The following RBL1 variants were observed in gnomAD, a reference collection of about 807,000 sequenced individuals.
RBL1 encodes RB transcriptional corepressor like 1.
RBL1 carries 82 observed loss-of-function variants against 123.0 expected under a neutral mutation model. That is an observed-to-expected ratio of 0.67 (90% CI 0.56 to 0.80). The LOEUF is 0.80. Ranked by LOEUF, RBL1 falls within the 30% of genes least tolerant of loss-of-function variation. The probability of loss-of-function intolerance (pLI) is 0.00; values close to 1 mark genes in which losing one functional copy is unlikely to be tolerated. For synonymous variants in RBL1, 405 were observed against 441.3 expected (o/e 0.92, Z 1.03); for missense variants, 1,171 against 1,299.6 (o/e 0.90, Z 1.52).
chr20:37,092,075 T>C (rs1312793180), intron 1 of RBL1, among the ~76,000 whole-genome samples: 1 of 151,966 alleles, frequency 6.6e-6, no homozygotes, highest in East Asian at 1.9e-4. Context: ...AAACCCTATC[T>C]CTACAAAATA....
intron 2 of RBL1, among the ~76,000 whole-genome samples, chr20:37,078,078 G>A (rs778308058): frequency 5.3e-5 from 8 of 152,006 alleles, no homozygotes; most frequent in Non-Finnish European, 1.0e-4. Context: ...CCTAATTTGG[G>A]TTTGTCTCAT....
chr20:37,022,951 G>A, intron 16 of RBL1, 125 bp from the exon 17 acceptor site: 1 of 750,178 alleles, frequency 1.3e-6, no homozygotes, highest in Non-Finnish European at 2.1e-6. Flanking sequence ...TAAAATTTCT[G>A]TTCTATAGCA....
At position 36,998,496 on chromosome 20, in the gene RBL1, T is replaced by C; in HGVS notation, c.*263A>G. On this transcript the variant is annotated 3_prime_UTR_variant, in exon 22 of 22. Transcript: ENST00000373664. ...GCCTTGGCCTCCCAAAGTCCTGGGA[T>C]TACAGGCGTGAGCCACAGCGCCTGG... The C allele has an allele frequency of 3.3e-6, 1 of 301,860 alleles. No individual in the cohort carries two copies. Among genetic ancestry groups the C allele is most frequent in the Non-Finnish European group, 6.2e-6 (1 of 162,088 alleles). The allele number at this position is 301,860 out of a possible 1,614,324, so 18.7% of individuals were successfully genotyped here.
At position 37,016,013 on chromosome 20, in the gene RBL1, G is replaced by T. The variant is rs190449436; in HGVS notation, c.2722+2266C>A. 5.4e-3 allele frequency among the ~76,000 whole-genome samples: 770 copies of T among 141,696 alleles called. 8 individuals carry two copies. The highest frequency in any genetic ancestry group is 0.019 in the African/African-American group (731 of 37,974). 93.0% of individuals were successfully genotyped at this position (141,696 alleles called of 152,430 possible). A position where few individuals can be genotyped will look rare whatever the true frequency, so the allele number is the denominator to read the frequency against. On this transcript the variant is annotated intron_variant, in intron 19 of 21. Coordinates refer to ENST00000373664, the MANE Select transcript of RBL1 (RefSeq NM_002895.5). ...CTGGATTACAGGCGTGAGCCACCGT[G>T]CCCAGCGGTTTTTTTTTTTTTTTTT...
intron 2 of RBL1, among the ~76,000 whole-genome samples, chr20:37,069,035 T>TC (rs1178119311): frequency 6.6e-6 from 1 of 152,262 alleles, no homozygotes; most frequent in Middle Eastern, 3.2e-3. Context: ...AGACGGGGTT[T>TC]CGCTGTGTTG....
rs532620516 is a variant in RBL1, at chr20:37,069,436, C to T, written c.291-1250G>A. On this transcript the variant is annotated intron_variant, in intron 2 of 21. Transcript: ENST00000373664. ...GCCATCCCATCTAGGAAGTGAGGAG[C>T]GTCTCTGCCCAGCCGCCCATCGTCT... Among the ~76,000 whole-genome samples the T allele has an allele frequency of 2.6e-5, 4 of 151,810 alleles. No individual in the cohort carries two copies. The East Asian group carries it at 7.8e-4, about 30-fold the overall frequency.
chr20:37,016,376 T>TA (rs1317235993), intron 19 of RBL1, among the ~76,000 whole-genome samples: 11 of 151,988 alleles, frequency 7.2e-5, no homozygotes, highest in African/African-American at 2.2e-4. Context: ...GGCTCCAGAA[T>TA]AATACACTTA....
chr20:37,044,288 G>A (rs766371345), intron 12 of RBL1, 38 bp from the exon 13 acceptor site: 2 of 1,605,020 alleles, frequency 1.2e-6, no homozygotes, highest in South Asian at 2.2e-5. Context: ...GTGGTTTCAA[G>A]CAGTTAGTTC....
At chr20:37,095,748 G>A (rs1288558768) in intron 1 of RBL1, 25 bp downstream of exon 1, 3 of 1,558,450 alleles carry the variant, frequency 1.9e-6, no homozygotes, top group Non-Finnish European at 1.7e-6. Context: ...GGTAGGGTCC[G>A]GCCGCCCCAC....
chr20:37,035,861 G>A (rs768001943), intron 14 of RBL1, among the ~76,000 whole-genome samples: 2 of 152,178 alleles, frequency 1.3e-5, no homozygotes, highest in Admixed American at 1.3e-4. Context: ...GAGAGCACCT[G>A]AGAAGAAGGG....
At chr20:37,081,999 C>G in intron 2 of RBL1, 1 of 456,212 alleles carries the variant, frequency 2.2e-6, no homozygotes, top group South Asian at 1.5e-5. Context: ...AAAATGTCAA[C>G]TGGCCAGGAG....
chr20:37,092,453 C>T (rs2065664616), intron 1 of RBL1, among the ~76,000 whole-genome samples: 1 of 152,148 alleles, frequency 6.6e-6, no homozygotes. Flanking sequence ...ACTGCAGCCT[C>T]GACCTCCCAG....
At chr20:37,075,511 A>G (rs2065349612) in intron 2 of RBL1, among the ~76,000 whole-genome samples, 1 of 151,984 alleles carries the variant, frequency 6.6e-6, no homozygotes, top group Admixed American at 6.6e-5. Context: ...GCTAGAGTGC[A>G]GTGGCGCGAT....
chr20:37,091,812 G>A lies in RBL1; in HGVS notation c.157-2690C>T, dbSNP rs565317519. On this transcript the variant is annotated intron_variant, in intron 1 of 21. Transcript: ENST00000373664. ...AAAGATTTCTTGCAATAATCTAAAA[G>A]GGGTGGGTAGAAATGGGTGGCCATC... Among the ~76,000 whole-genome samples the A allele has an allele frequency of 3.1e-4, 47 of 152,282 alleles. No homozygotes were observed. The Middle Eastern group carries it at 0.01, about 33-fold the overall frequency.
chr20:37,091,240 C>A (rs1324799136), intron 1 of RBL1, among the ~76,000 whole-genome samples: 1 of 152,048 alleles, frequency 6.6e-6, no homozygotes, highest in Non-Finnish European at 1.5e-5. Context: ...CGCCTGTAAT[C>A]CCAGCTACTT....
At chr20:37,091,070 C>G (rs894513861) in intron 1 of RBL1, among the ~76,000 whole-genome samples, 3 of 152,098 alleles carry the variant, frequency 2.0e-5, no homozygotes, top group African/African-American at 7.2e-5. Context: ...TTAAGAATTA[C>G]GGATAGGCCG....
At chr20:37,020,254 A>G (rs998591036) in intron 18 of RBL1, among the ~76,000 whole-genome samples, 13 of 151,872 alleles carry the variant, frequency 8.6e-5, no homozygotes, top group Admixed American at 7.9e-4. Flanking sequence ...ACGCCTGGCT[A>G]ATTTTTGTAT....
At chr20:37,052,699 G>A (rs1163508050) in intron 11 of RBL1, among the ~76,000 whole-genome samples, 1 of 152,112 alleles carries the variant, frequency 6.6e-6, no homozygotes, top group Non-Finnish European at 1.5e-5. Flanking sequence ...TAGTTGAGAC[G>A]GGATTTTGCC....
intron 20 of RBL1, among the ~76,000 whole-genome samples, chr20:37,004,734 AAAG>A (rs2064042534): frequency 1.3e-5 from 2 of 149,480 alleles, no homozygotes; most frequent in African/African-American, 4.9e-5. Flanking sequence ...AAAAAAAAAA[AAAG>A]AATTCTGGGG....
Sources: allele counts gnomAD v4.1 joint callset (sites outside exome capture counted in the v4.1 genomes callset), GRCh38; gene constraint gnomAD v4.1.1; transcripts MANE v1.5; gene names NCBI Gene and HGNC (gene_info 2026-07-23, HGNC 2026-07-21).